The following PLXNA1 variants were observed in gnomAD, a reference collection of about 807,000 sequenced individuals.
PLXNA1 encodes the protein plexin A1, also known as plexin-A1.
In PLXNA1, 77 loss-of-function variants were observed where a neutral mutation model predicts 191.7. The ratio of observed to expected loss-of-function variants is 0.40; its 90% CI spans 0.33 to 0.49. PLXNA1 has a LOEUF of 0.49. Ranked by LOEUF, PLXNA1 falls within the 20% of genes least tolerant of loss-of-function variation. The probability of loss-of-function intolerance (pLI) is 0.63; values close to 1 mark genes in which losing one functional copy is unlikely to be tolerated. For missense variants in PLXNA1, 2,110 were observed against 2,660.2 expected, an observed-to-expected ratio of 0.79 and a Z score of 4.55; for synonymous variants, 1,137 against 1,156.4, an observed-to-expected ratio of 0.98 and a Z score of 0.34.
rs1245472031 is a variant in PLXNA1 at position 127,034,068 on chromosome 3, G to A, written c.*51G>A. 7 of 1,490,156 alleles carry A rather than the reference G, an allele frequency of 4.7e-6. No homozygotes were observed. Among genetic ancestry groups the A allele is most frequent in the Non-Finnish European group, 6.4e-6 (7 of 1,094,296 alleles). 92.3% of individuals were successfully genotyped at this position (1,490,156 alleles called of 1,614,324 possible). On this transcript the variant is annotated 3_prime_UTR_variant, in exon 32 of 32. Transcript: ENST00000393409. The stretch of plus-strand genomic sequence containing the variant: ...ATGCAGCGTGAGGACAGCTGAGCAG[G>A]GACCGGGACAGCCCTCACCGCATGC...
intron 23 of PLXNA1, 52 bp from the exon 24 acceptor site, chr3:127,027,888 T>A (rs9833827): frequency 8.1e-6 from 13 of 1,607,920 alleles, no homozygotes; most frequent in African/African-American, 8.0e-5. Context: ...AGGGGCAGGT[T>A]GGGGGTAGGC....
rs758284589 is a variant in PLXNA1 at position 127,007,782 on chromosome 3, C to T, written c.1998-17C>T. 2 of 1,581,264 alleles carry T rather than the reference C, an allele frequency of 1.3e-6. No individual in the cohort carries two copies. The highest frequency in any genetic ancestry group is 2.2e-5 in the South Asian group (2 of 89,184). ...GTTGCGGGTCCCCAGGCTTCAGCACCCACCCTCTCCCTGCAGCTGCCTGTC... is the reference window on the plus strand; with the variant it reads ...GTTGCGGGTCCCCAGGCTTCAGCACTCACCCTCTCCCTGCAGCTGCCTGTC... On this transcript the variant is annotated splice_polypyrimidine_tract_variant and intron_variant, in intron 8 of 31. Transcript: ENST00000393409.
chr3:127,015,117 G>A, intron 14 of PLXNA1, 67 bp from the exon 15 acceptor site: 1 of 1,555,162 alleles, frequency 6.4e-7, no homozygotes, highest in African/African-American at 1.4e-5. Context: ...AGGCCAAGTG[G>A]GGCCTGTCCC....
chr3:126,983,122 C>CT lies in PLXNA1; in HGVS notation c.-238dup, dbSNP rs1365309673. On this transcript the variant is annotated 5_prime_UTR_variant, in exon 1 of 32. The change abolishes the stop of an existing upstream ORF in the 5' untranslated region. Coordinates refer to ENST00000393409, the MANE Select transcript of PLXNA1 (RefSeq NM_032242.4). ...CGCGGCGCTCGGCGCCCCATTCATG[C>CT]TGGGCATCGGCTGCGCGGCCACGCA... 1.4e-5 allele frequency among the ~76,000 whole-genome samples: 2 copies of CT among 145,610 alleles called. No individual in the cohort carries two copies. Among genetic ancestry groups the CT allele is most frequent in the Non-Finnish European group, 3.0e-5 (2 of 65,576 alleles).
chr3:127,017,911 G>A lies in PLXNA1; in HGVS notation c.3660+19G>A, dbSNP rs1272510133. 3 of 1,610,444 alleles carry A rather than the reference G, an allele frequency of 1.9e-6. No homozygotes were observed. Among genetic ancestry groups the A allele is most frequent in the Non-Finnish European group, 2.5e-6 (3 of 1,179,668 alleles). On this transcript the variant is annotated intron_variant, in intron 19 of 31. Coordinates refer to ENST00000393409, the MANE Select transcript of PLXNA1 (RefSeq NM_032242.4). ...GGTCACGGTGCGTCTGTCCACCGGG[G>A]GTGCAGAGCTGGGAGAGCCATGCCC...
At position 127,029,480 on chromosome 3, in the gene PLXNA1, C is replaced by T. The variant is rs778901033; in HGVS notation, c.4814C>T (p.Thr1605Met). ...GSSVALVPKQ[T>M]SAYNISNSST... ...TCGGTGGCACTGGTGCCCAAGCAGA[C>T]GTCCGCCTACAACATCTCCAACTCC... Residue 1605 changes from threonine (T) to methionine (M), a missense_variant, in exon 27 of 32, where the codon ACG (threonine) becomes ATG (methionine). Physicochemically the swap from Thr to Met is moderately conservative, Grantham distance 81 (BLOSUM62 -1). Transcript: ENST00000393409. The T allele has an allele frequency of 5.6e-6, 9 of 1,613,916 alleles. No individual in the cohort carries two copies. Among genetic ancestry groups the T allele is most frequent in the Non-Finnish European group, 5.9e-6 (7 of 1,179,962 alleles).
At chr3:127,005,522 A>C (rs1428624352) in intron 7 of PLXNA1, among the ~76,000 whole-genome samples, 1 of 152,220 alleles carries the variant, frequency 6.6e-6, no homozygotes, top group Non-Finnish European at 1.5e-5. Flanking sequence ...TACAGTAGGA[A>C]TAGCCATAGA....
chr3:127,029,401 C>T (rs760191129), intron 26 of PLXNA1, 39 bp from the exon 27 acceptor site: 1 of 1,597,440 alleles, frequency 6.3e-7, no homozygotes, highest in South Asian at 1.1e-5. Context: ...TGCAGGGGCA[C>T]CCTGGTGGGT....
At position 127,014,458 on chromosome 3, in the gene PLXNA1, C is replaced by T. The variant is rs1480945296; in HGVS notation, c.2605-20C>T. 1.9e-6 allele frequency: 3 copies of T among 1,598,006 alleles called. No individual in the cohort carries two copies. The highest frequency in any genetic ancestry group is 1.7e-5 in the Admixed American group (1 of 59,754). On this transcript the variant is annotated intron_variant, in intron 12 of 31. Transcript: ENST00000393409. ...CTACGCCCTGTGGGATGCCTGTACC[C>T]CAGCCTCTGCCTCCCTCAGCTGTCC...
In PLXNA1 at chr3:127,028,090, AG is replaced by A; in HGVS notation, c.4509+5del. The A allele has an allele frequency of 6.2e-7, 1 of 1,613,938 alleles. No homozygotes were observed. Among genetic ancestry groups the A allele is most frequent in the Non-Finnish European group, 8.5e-7 (1 of 1,179,994 alleles). On this transcript the variant is annotated splice_donor_5th_base_variant and intron_variant, in intron 24 of 31. Coordinates refer to ENST00000393409, the MANE Select transcript of PLXNA1 (RefSeq NM_032242.4). ...GCAGATTGACTACAAGACACTGGTGAGCGTGGCTGCCCTCTGTCCTGGGTGC... is the reference window on the plus strand; with the variant it reads ...GCAGATTGACTACAAGACACTGGTGACGTGGCTGCCCTCTGTCCTGGGTGC...
chr3:126,988,221 C>T (rs930832505), intron 1 of PLXNA1, among the ~76,000 whole-genome samples: 2 of 152,186 alleles, frequency 1.3e-5, no homozygotes, highest in Non-Finnish European at 2.9e-5. Flanking sequence ...CCATTCCACA[C>T]CTCAGGCCCT....
Position 126,991,495 on chromosome 3 carries a change from G to T in PLXNA1, c.1306G>T (p.Ala436Ser). Residue 436 changes from alanine (A) to serine (S), a missense_variant, in exon 3 of 32, where the codon GCC (alanine) becomes TCC (serine). This residue lies in a region of PLXNA1 where 903 missense variants were observed against 1,015.7 expected (regional missense o/e 0.89). Transcript: ENST00000393409. ...LFVDKDDGLTAVAAYDYRGRT... is the reference protein window; with the variant it reads ...LFVDKDDGLTSVAAYDYRGRT... The stretch of plus-strand genomic sequence containing the variant: ...CGTGGACAAGGATGATGGCCTGACC[G>T]CCGTGGCTGCCTATGACTATCGGGG... The T allele has an allele frequency of 3.1e-6, 5 of 1,612,364 alleles. No individual in the cohort carries two copies. Among genetic ancestry groups the T allele is most frequent in the Non-Finnish European group, 3.4e-6 (4 of 1,179,580 alleles).
At chr3:127,017,216 G>T (rs757623174) in intron 17 of PLXNA1, among the ~76,000 whole-genome samples, 179 bp downstream of exon 17, 4 of 152,236 alleles carry the variant, frequency 2.6e-5, no homozygotes, top group Non-Finnish European at 4.4e-5. Flanking sequence ...CGGGTAGAAG[G>T]TCTGGCTCTG....
intron 9 of PLXNA1, 77 bp from the exon 10 acceptor site, chr3:127,011,881 A>G (rs2079097307): frequency 7.4e-7 from 1 of 1,347,888 alleles, no homozygotes. Context: ...GGCCCAGTGC[A>G]CATCTGGAGC....
intron 3 of PLXNA1, among the ~76,000 whole-genome samples, chr3:127,000,913 A>G (rs2079037061): frequency 6.6e-6 from 1 of 152,142 alleles, no homozygotes; most frequent in Admixed American, 6.5e-5. Flanking sequence ...CACACTGGCC[A>G]TGCCATGGCC....
intron 22 of PLXNA1, 94 bp from the exon 23 acceptor site, chr3:127,022,658 G>A: frequency 8.7e-7 from 1 of 1,154,842 alleles, no homozygotes; most frequent in Non-Finnish European, 1.3e-6. Context: ...AGGGGGGCAG[G>A]GTGGGGTGGG....
At chr3:127,022,500 G>A (rs774641633) in intron 22 of PLXNA1, among the ~76,000 whole-genome samples, 159 bp downstream of exon 22, 2 of 152,184 alleles carry the variant, frequency 1.3e-5, no homozygotes, top group Non-Finnish European at 2.9e-5. Context: ...ACCTCCCTAG[G>A]TACTGATAGT....
Position 126,989,020 on chromosome 3 carries a change from C to T in PLXNA1, c.427C>T (p.Leu143=). ...ASQGICQFLR[L]DDLFKLGEPH... ...CCAGGGCATCTGCCAGTTCCTGCGTCTGGACGATCTCTTCAAACTGGGTGA... is the reference window on the plus strand; with the variant it reads ...CCAGGGCATCTGCCAGTTCCTGCGTTTGGACGATCTCTTCAAACTGGGTGA... Residue 143 remains leucine, a synonymous_variant, in exon 2 of 32, where the codon CTG becomes TTG. Transcript: ENST00000393409. 1 of 1,613,338 alleles carries T rather than the reference C, an allele frequency of 6.2e-7. No individual in the cohort carries two copies. Among genetic ancestry groups the T allele is most frequent in the Non-Finnish European group, 8.5e-7 (1 of 1,180,032 alleles).
At chr3:127,033,864 C>T in intron 31 of PLXNA1, 58 bp from the exon 32 acceptor site, 3 of 1,451,234 alleles carry the variant, frequency 2.1e-6, no homozygotes, top group Non-Finnish European at 1.9e-6. Context: ...TGCCCTGGGC[C>T]TGCTGAGTGC....
Sources: allele counts gnomAD v4.1 joint callset (sites outside exome capture counted in the v4.1 genomes callset), GRCh38; gene constraint gnomAD v4.1.1; regional missense constraint gnomAD v4.1.1; transcripts MANE v1.5; gene names NCBI Gene and HGNC (gene_info 2026-07-23, HGNC 2026-07-21).